Variants in ERC1 observed in about 807,000 individuals in gnomAD.
The protein encoded by ERC1 is ELKS/RAB6-interacting/CAST family member 1, also known as RAB6 interacting protein 2.
In ERC1, 56 loss-of-function variants were observed where a neutral mutation model predicts 132.0. That is an observed-to-expected ratio of 0.42 (90% CI 0.34 to 0.53). The LOEUF (loss-of-function observed/expected upper bound fraction) is 0.53. Ranked by LOEUF, ERC1 falls within the 20% of genes least tolerant of loss-of-function variation. The pLI is 0.03. For missense variants in ERC1, 1,202 were observed against 1,349.9 expected (o/e 0.89, Z 1.72); for synonymous variants, 478 against 476.1 (o/e 1.00, Z -0.05).
At chr12:1,301,822 TAAGAAAAAGA>T (rs2080424512) in intron 15 of ERC1, among the ~76,000 whole-genome samples, 1 of 151,456 alleles carries the variant, frequency 6.6e-6, no homozygotes, top group Non-Finnish European at 1.5e-5. Context: ...ACTTAAAAAT[TAAGAAAAAGA>T]AAGAAAAAGA....
At chr12:1,272,467 A>G (rs553183766) in intron 14 of ERC1, among the ~76,000 whole-genome samples, 3 of 152,334 alleles carry the variant, frequency 2.0e-5, no homozygotes, top group Non-Finnish European at 2.9e-5. Context: ...CCTCTCCCCA[A>G]TCTGGTCTCA....
chr12:1,036,937 T>C (rs1969203432), intron 2 of ERC1, among the ~76,000 whole-genome samples: 1 of 152,226 alleles, frequency 6.6e-6, no homozygotes, highest in Non-Finnish European at 1.5e-5. Flanking sequence ...ATGGATAATG[T>C]TCCTTTTGGG....
chr12:1,096,913 C>A (rs960657068), intron 3 of ERC1, among the ~76,000 whole-genome samples: 1 of 152,156 alleles, frequency 6.6e-6, no homozygotes, highest in African/African-American at 2.4e-5. Context: ...TTATAGTTAT[C>A]ATGCCTTTGC....
intron 11 of ERC1, among the ~76,000 whole-genome samples, chr12:1,185,071 C>T (rs1036591971): frequency 2.6e-5 from 4 of 152,080 alleles, no homozygotes; most frequent in African/African-American, 4.8e-5. Context: ...CCGCTGTGCC[C>T]GGCTAATTTT....
At chr12:1,137,258 C>G (rs1949349369) in intron 7 of ERC1, among the ~76,000 whole-genome samples, 1 of 151,526 alleles carries the variant, frequency 6.6e-6, no homozygotes, top group African/African-American at 2.4e-5. Flanking sequence ...GCCACCACGC[C>G]AAGCTAATTT....
At chr12:994,777 C>T (rs1960438472) in intron 1 of ERC1, among the ~76,000 whole-genome samples, 2 of 151,898 alleles carry the variant, frequency 1.3e-5, no homozygotes, top group African/African-American at 2.4e-5. Flanking sequence ...GGCTGGGCAA[C>T]ATAGCGAGAC....
intron 18 of ERC1, among the ~76,000 whole-genome samples, chr12:1,484,656 T>C (rs1346951588): frequency 6.6e-6 from 1 of 151,076 alleles, no homozygotes; most frequent in Non-Finnish European, 1.5e-5. Flanking sequence ...CGGCTCACTG[T>C]AAGCTCCGCC....
Position 1,493,544 on chromosome 12 carries a change from A to ATATATATATATATATATATATATATAT in ERC1, c.*3314_*3315insTATATATATATATATATATATATATAT, listed in dbSNP as rs57315267. 1 of 22,524 alleles carries ATATATATATATATATATATATATATAT rather than the reference A, an allele frequency of 4.4e-5. No individual in the cohort carries two copies. The allele number at this position is 22,524 out of a possible 1,614,324, so 1.4% of individuals were successfully genotyped here. A position where few individuals can be genotyped will look rare whatever the true frequency, so the allele number is the denominator to read the frequency against. ...AGAGACTCCATTTAAAAAAAAAAAA[A>ATATATATATATATATATATATATATAT]AAAAATATATATATATATATATATA... On this transcript the variant is annotated 3_prime_UTR_variant, in exon 19 of 19. Coordinates refer to ENST00000360905, the MANE Select transcript of ERC1 (RefSeq NM_178040.4).
chr12:1,485,693 C>T (rs1474703846), intron 18 of ERC1, among the ~76,000 whole-genome samples: 1 of 151,872 alleles, frequency 6.6e-6, no homozygotes, highest in Non-Finnish European at 1.5e-5. Context: ...TTATGTCTTT[C>T]AAGCCGTCAT....
chr12:1,424,951 C>G (rs935056328), intron 17 of ERC1, among the ~76,000 whole-genome samples: 1 of 152,102 alleles, frequency 6.6e-6, no homozygotes, highest in Non-Finnish European at 1.5e-5. Context: ...AGCTCACTAA[C>G]GCATAGCCAG....
chr12:1,427,642 A>G (rs2092680607), intron 17 of ERC1, among the ~76,000 whole-genome samples: 1 of 152,088 alleles, frequency 6.6e-6, no homozygotes, highest in South Asian at 2.1e-4. Flanking sequence ...TCTTTGCCCT[A>G]AGACCTAATT....
At chr12:1,321,342 G>GTGTGTGTGTGTATA (rs112838015) in intron 15 of ERC1, among the ~76,000 whole-genome samples, 3,754 of 152,108 alleles carry the variant, frequency 0.025, 52 homozygotes, top group Middle Eastern at 0.075. Context: ...GTGTGTGTGT[G>GTGTGTGTGTGTATA]TATATTTTGC....
chr12:1,470,892 T>G (rs960651018), intron 18 of ERC1, among the ~76,000 whole-genome samples: 1 of 152,250 alleles, frequency 6.6e-6, no homozygotes, highest in African/African-American at 2.4e-5. Flanking sequence ...TGGCTTGTTC[T>G]TTGAGTGGGA....
chr12:1,079,713 G>A lies in ERC1; in HGVS notation c.670-3451G>A, dbSNP rs191851010. 1.1e-3 allele frequency among the ~76,000 whole-genome samples: 150 copies of A among 131,268 alleles called. 16 individuals carry two copies. Among genetic ancestry groups the A allele is most frequent in the African/African-American group, 3.8e-3 (141 of 37,216 alleles). 86.1% of individuals were successfully genotyped at this position (131,268 alleles called of 152,430 possible). A position where few individuals can be genotyped will look rare whatever the true frequency, so the allele number is the denominator to read the frequency against. On this transcript the variant is annotated intron_variant, in intron 2 of 18. Transcript: ENST00000360905. ...AATGATTTGTAATATGACAAAAGTCGATATACAGAGATATAGACAGAAATG... is the reference window on the plus strand; with the variant it reads ...AATGATTTGTAATATGACAAAAGTCAATATACAGAGATATAGACAGAAATG...
At chr12:1,178,549 T>G (rs745920793) in intron 8 of ERC1, among the ~76,000 whole-genome samples, 1 of 152,140 alleles carries the variant, frequency 6.6e-6, no homozygotes, top group Non-Finnish European at 1.5e-5. Flanking sequence ...TGGAGGAGTG[T>G]GTATTTATAC....
chr12:1,261,066 T>G (rs2077112455), intron 13 of ERC1, among the ~76,000 whole-genome samples: 1 of 152,244 alleles, frequency 6.6e-6, no homozygotes, highest in South Asian at 2.1e-4. Context: ...CTTGATTCTC[T>G]GCATTGTGAC....
At chr12:1,118,275 T>C (rs1946674856) in intron 7 of ERC1, among the ~76,000 whole-genome samples, 2 of 152,174 alleles carry the variant, frequency 1.3e-5, no homozygotes, top group Admixed American at 1.3e-4. Flanking sequence ...AGCAGTTGGT[T>C]AATGATAATG....
intron 2 of ERC1, among the ~76,000 whole-genome samples, chr12:1,047,035 A>G (rs147950051): frequency 6.6e-4 from 101 of 152,344 alleles, no homozygotes; most frequent in Non-Finnish European, 1.3e-3. Context: ...TTCATGATGC[A>G]TGAACATTTG....
chr12:1,038,198 A>G (rs971911940), intron 2 of ERC1, among the ~76,000 whole-genome samples: 5 of 152,002 alleles, frequency 3.3e-5, no homozygotes, highest in Non-Finnish European at 7.4e-5. Flanking sequence ...ACTCTTCACA[A>G]CGCCCAAGGG....
Sources: gnomAD v4.1 joint callset for allele counts (sites outside exome capture counted in the v4.1 genomes callset) on GRCh38, gnomAD v4.1.1 for gene constraint, MANE v1.5 for transcripts, NCBI Gene and HGNC (gene_info 2026-07-23, HGNC 2026-07-21) for gene names.